IFT43: variants seen among roughly 807,000 people sequenced by gnomAD.
IFT43 encodes intraflagellar transport 43.
Under a neutral mutation model 32.3 loss-of-function variants are expected in IFT43, and 33 were observed. The observed-to-expected ratio is 1.02, with a 90% confidence interval of 0.77 to 1.37. IFT43 has a LOEUF of 1.37. Among genes scored for constraint, IFT43 ranks in the 40% most tolerant of loss-of-function variants. The pLI is 0.00. For missense variants in IFT43, 274 were observed against 265.9 expected (o/e 1.03, Z -0.21); for synonymous variants, 93 against 98.2 (o/e 0.95, Z 0.31).
intron 2 of IFT43, among the ~76,000 whole-genome samples, chr14:75,995,201 C>T (rs1306314517): frequency 6.6e-6 from 1 of 152,142 alleles, no homozygotes; most frequent in Non-Finnish European, 1.5e-5. Context: ...AAGCATTCAG[C>T]TAATCTGTGA....
At chr14:76,013,383 C>T (rs891548751) in intron 2 of IFT43, among the ~76,000 whole-genome samples, 1 of 152,128 alleles carries the variant, frequency 6.6e-6, no homozygotes, top group African/African-American at 2.4e-5. Flanking sequence ...GCGTTCGCAC[C>T]CCCATAGGTT....
rs568407127 is a variant in IFT43, at chr14:76,078,233, C to T, written c.296-4062C>T. 3.0e-4 allele frequency among the ~76,000 whole-genome samples: 46 copies of T among 152,212 alleles called. 1 individual carries two copies. In the South Asian group the frequency reaches 5.0e-3, roughly 16 times the overall value. On this transcript the variant is annotated intron_variant, in intron 5 of 8. Coordinates refer to ENST00000314067, the MANE Select transcript of IFT43 (RefSeq NM_001102564.3). Reference sequence around the variant, plus strand: ...CTTCTAGGGAGATGACTGGGTCTCACGGAAGGGACATTTTTCATTTTAAAC... The same window carrying T: ...CTTCTAGGGAGATGACTGGGTCTCATGGAAGGGACATTTTTCATTTTAAAC...
rs186005502 is a variant in IFT43, at chr14:75,990,511, T to C, written c.147+1534T>C. Among the ~76,000 whole-genome samples the C allele has an allele frequency of 7.2e-5, 11 of 152,370 alleles. 1 individual carries two copies. The East Asian group carries it at 2.1e-3, about 29-fold the overall frequency. On this transcript the variant is annotated intron_variant, in intron 2 of 8. Transcript: ENST00000314067. ...CATCGTACCCTATTATCTGTCACAG[T>C]GCCTGGCAGAATAGGCCTGCAATTG...
intron 3 of IFT43, among the ~76,000 whole-genome samples, chr14:76,026,773 C>G (rs1351456072): frequency 1.3e-5 from 2 of 152,050 alleles, no homozygotes; most frequent in Admixed American, 1.3e-4. Context: ...TATAAAGATA[C>G]ATGTATGTGT....
intron 3 of IFT43, among the ~76,000 whole-genome samples, chr14:76,027,580 G>A (rs1014951395): frequency 1.8e-4 from 28 of 152,038 alleles, no homozygotes; most frequent in Admixed American, 1.1e-3. Context: ...GTGGTGGCGG[G>A]TGCCTGTAGT....
chr14:76,044,043 C>CT (rs869050646), intron 3 of IFT43, among the ~76,000 whole-genome samples: 65 of 146,214 alleles, frequency 4.4e-4, no homozygotes, highest in African/African-American at 7.3e-4. Context: ...TGTTATTTCT[C>CT]TTTTTTTTTT....
At position 76,083,266 on chromosome 14, in the gene IFT43, G is replaced by A. The variant is rs759669009; in HGVS notation, c.484G>A (p.Ala162Thr). Residue 162 changes from alanine to threonine, a missense_variant, in exon 8 of 9, where the codon GCG becomes ACG. Coordinates refer to ENST00000314067, the MANE Select transcript of IFT43 (RefSeq NM_001102564.3). ...IDLKLLTKVL[A>T]PEHEVREDDV... ...CCTGAAACTCCTCACCAAAGTGCTC[G>A]CGCCGGAGCACGAAGTCCGGGAGGT... is the stretch of plus-strand genomic sequence containing the variant. The A allele has an allele frequency of 1.7e-5, 28 of 1,613,834 alleles. No homozygotes were observed. In the Admixed American group the frequency reaches 2.5e-4, roughly 14 times the overall value.
chr14:76,006,898 C>CCTAGG (rs2035990428), intron 2 of IFT43, among the ~76,000 whole-genome samples: 1 of 141,010 alleles, frequency 7.1e-6, no homozygotes, highest in Non-Finnish European at 1.5e-5. Context: ...CACTCTGTTG[C>CCTAGG]CTAGGCTAGA....
chr14:76,073,519 C>T (rs1396421554), intron 5 of IFT43, among the ~76,000 whole-genome samples: 1 of 152,102 alleles, frequency 6.6e-6, no homozygotes, highest in South Asian at 2.1e-4. Flanking sequence ...GGCCAAGTGA[C>T]GCGTTTTCCT....
chr14:76,036,348 CT>C (rs1566718643), intron 3 of IFT43, among the ~76,000 whole-genome samples: 1 of 149,228 alleles, frequency 6.7e-6, no homozygotes, highest in African/African-American at 2.5e-5. Flanking sequence ...TCCTTCCTTC[CT>C]TTTTTTTGTT....
chr14:76,052,255 CTTTATCTCCAT>C (rs2036927442), intron 3 of IFT43, among the ~76,000 whole-genome samples: 2 of 152,334 alleles, frequency 1.3e-5, no homozygotes, highest in Non-Finnish European at 2.9e-5. Flanking sequence ...AGCCGTGGTA[CTTTATCTCCAT>C]TTAGATCTCT....
At chr14:76,069,181 G>A (rs766477571) in intron 5 of IFT43, among the ~76,000 whole-genome samples, 1 of 152,164 alleles carries the variant, frequency 6.6e-6, no homozygotes, top group African/African-American at 2.4e-5. Flanking sequence ...GGCACGTCAC[G>A]TGGCGAAAGC....
chr14:76,030,827 A>G (rs774389887), intron 3 of IFT43, among the ~76,000 whole-genome samples: 2 of 151,842 alleles, frequency 1.3e-5, no homozygotes, highest in African/African-American at 4.8e-5. Context: ...TTTTTATTCA[A>G]TTTACTTTTG....
chr14:76,008,989 C>T (rs866845272), intron 2 of IFT43, among the ~76,000 whole-genome samples: 14 of 152,182 alleles, frequency 9.2e-5, no homozygotes, highest in Non-Finnish European at 1.8e-4. Flanking sequence ...TTGACAGGTA[C>T]ATCTTACCTT....
chr14:76,082,788 C>T (rs2037535383), intron 7 of IFT43, 96 bp downstream of exon 7: 3 of 916,190 alleles, frequency 3.3e-6, no homozygotes, highest in Admixed American at 3.4e-5. Flanking sequence ...TACAGCGCCT[C>T]CACCAGTCCC....
chr14:75,986,675 C>G (rs533714840), intron 1 of IFT43, among the ~76,000 whole-genome samples: 226 of 152,282 alleles, frequency 1.5e-3, no homozygotes, highest in Non-Finnish European at 2.5e-3. Context: ...GAGCTAGATT[C>G]AAGACCCAAG....
At position 76,003,881 on chromosome 14, in the gene IFT43, A is replaced by G. The variant is rs544819591; in HGVS notation, c.147+14904A>G. Among the ~76,000 whole-genome samples the G allele has an allele frequency of 7.9e-5, 12 of 151,728 alleles. No homozygotes were observed. In the East Asian group the frequency reaches 2.2e-3, roughly 27 times the overall value. The stretch of plus-strand genomic sequence containing the variant: ...CAACCTCTGCCTCCCAGTTCAAGCA[A>G]TTCTCCTGCCTCAGCCTCCCAAGTA... On this transcript the variant is annotated intron_variant, in intron 2 of 8. Transcript: ENST00000314067.
chr14:76,022,341 A>G lies in IFT43; in HGVS notation c.162A>G (p.Lys54=), dbSNP rs781025423. 13 of 1,613,508 alleles carry G rather than the reference A, an allele frequency of 8.1e-6. No individual in the cohort carries two copies. In the South Asian group the frequency reaches 1.3e-4, roughly 16 times the overall value. ...LTLTGETSSA[K]LPRCRQGGWA... is the part of the protein sequence containing the mutation. The stretch of plus-strand genomic sequence containing the variant: ...TTTCCTTGTAGACTTCCTCTGCTAA[A>G]TTACCTCGCTGCCGACAGGGAGGCT... Residue 54 remains lysine, a synonymous_variant, in exon 3 of 9, where the codon AAA becomes AAG. Coordinates refer to ENST00000314067, the MANE Select transcript of IFT43 (RefSeq NM_001102564.3).
downstream of IFT43, chr14:76,083,968 C>G (rs1236253960): frequency 2.2e-6 from 1 of 460,858 alleles, no homozygotes; most frequent in Non-Finnish European, 4.3e-6. Context: ...GCCTCCCTTC[C>G]CGTGGGTGCT....
Sources: allele counts gnomAD v4.1 joint callset (sites outside exome capture counted in the v4.1 genomes callset), GRCh38; gene constraint gnomAD v4.1.1; transcripts MANE v1.5; gene names NCBI Gene and HGNC (gene_info 2026-07-23, HGNC 2026-07-21).